Variants in NDUFB2 observed in about 807,000 individuals in gnomAD.
NDUFB2 encodes NADH dehydrogenase [ubiquinone] 1 beta subcomplex subunit 2, mitochondrial.
NDUFB2 carries 13 observed loss-of-function variants against 13.4 expected under a neutral mutation model. The observed-to-expected ratio is 0.97, with a 90% CI of 0.63 to 1.54. The LOEUF (loss-of-function observed/expected upper bound fraction) is 1.54, where lower values mean the gene tolerates loss of function less well. Among genes scored for constraint, NDUFB2 ranks in the 40% most tolerant of loss-of-function variants. The pLI, the probability that NDUFB2 is intolerant of heterozygous loss-of-function variation, is 0.00. For synonymous variants in NDUFB2, 47 were observed against 50.6 expected (o/e 0.93, Z 0.30); for missense variants, 150 against 139.7 (o/e 1.07, Z -0.37).
chr7:140,706,060 T>TATGTTATGTTATG (rs1402496959), intron 3 of NDUFB2: 226 of 125,112 alleles, frequency 1.8e-3, no homozygotes, highest in African/African-American at 5.0e-3. Flanking sequence ...TATGTTATGT[T>TATGTTATGTTATG]TTATGTTATG....
At chr7:140,701,133 A>C (rs994694860) in intron 1 of NDUFB2, 1 of 152,232 alleles carries the variant, frequency 6.6e-6, no homozygotes, top group African/African-American at 2.4e-5. Flanking sequence ...TCATTTCAAT[A>C]TGGTAACATT....
intron 2 of NDUFB2, 44 bp downstream of exon 2, chr7:140,703,054 G>C: frequency 1.2e-6 from 2 of 1,605,862 alleles, no homozygotes; most frequent in East Asian, 2.2e-5. Flanking sequence ...GGGTGGGGGA[G>C]GGAGGATGTA....
At chr7:140,702,810 T>C (rs1563215365) in intron 1 of NDUFB2, 56 bp from the exon 2 acceptor site, 1 of 1,598,972 alleles carries the variant, frequency 6.3e-7, no homozygotes. Context: ...GAGTTTTGGA[T>C]GACTTAACGC....
At chr7:140,697,888 G>A (rs1480300945) in intron 1 of NDUFB2, among the ~76,000 whole-genome samples, 2 of 152,210 alleles carry the variant, frequency 1.3e-5, no homozygotes, top group African/African-American at 4.8e-5. Flanking sequence ...AGGCTGGAGT[G>A]CAGTGGCGCG....
intron 1 of NDUFB2, among the ~76,000 whole-genome samples, chr7:140,698,995 TA>T (rs1794859061): frequency 6.6e-6 from 1 of 152,088 alleles, no homozygotes. Context: ...CCATCTCTAC[TA>T]AAAACACAAA....
intron 1 of NDUFB2, among the ~76,000 whole-genome samples, chr7:140,700,374 C>T (rs113327962): frequency 0.1 from 15,465 of 151,200 alleles, 849 homozygotes; most frequent in South Asian, 0.19. Context: ...CCGCCTGCCT[C>T]GGCCTCCCAA....
chr7:140,696,756 G>T lies in NDUFB2; in HGVS notation c.12G>T (p.Leu4=), dbSNP rs150245593. The T allele has an allele frequency of 6.4e-5, 102 of 1,598,128 alleles. No individual in the cohort carries two copies. Among genetic ancestry groups the T allele is most frequent in the Non-Finnish European group, 8.5e-5 (100 of 1,173,514 alleles). Residue 4 remains leucine, a synonymous_variant, in exon 1 of 4, where the codon CTG becomes CTT. Transcript: ENST00000247866. The part of the protein sequence containing the change: MSA[L]TRLASFARVG... ...GGACGGGAGCGAGTATGTCCGCTCT[G>T]ACTCGGCTGGCGTCTTTCGCTCGCG...
chr7:140,696,854 G>A lies in NDUFB2; in HGVS notation c.98+12G>A. The A allele has an allele frequency of 1.3e-6, 2 of 1,594,854 alleles. No homozygotes were observed. Among genetic ancestry groups the A allele is most frequent in the Non-Finnish European group, 1.7e-6 (2 of 1,170,894 alleles). On this transcript the variant is annotated intron_variant, in intron 1 of 3. Coordinates refer to ENST00000247866, the MANE Select transcript of NDUFB2 (RefSeq NM_004546.3). ...GGTGGAGTCCGTCAGTGAGTGTGGG[G>A]CTGGGGATGGGGGCCTCGCCGGCCT...
At chr7:140,704,102 C>A (rs531170743) in intron 2 of NDUFB2, among the ~76,000 whole-genome samples, 1 of 152,260 alleles carries the variant, frequency 6.6e-6, no homozygotes, top group Admixed American at 6.5e-5. Context: ...TGAGGTTTTA[C>A]CACATTTGCA....
intron 1 of NDUFB2, 112 bp from the exon 2 acceptor site, chr7:140,702,754 G>T: frequency 8.2e-7 from 1 of 1,215,280 alleles, no homozygotes. Context: ...CTATATTTCA[G>T]TGGAGATGAG....
intron 1 of NDUFB2, among the ~76,000 whole-genome samples, chr7:140,697,856 A>T (rs1399918551): frequency 6.6e-6 from 1 of 152,014 alleles, no homozygotes; most frequent in Non-Finnish European, 1.5e-5. Flanking sequence ...GTTTTAGGAG[A>T]TGGGGTCTAA....
At chr7:140,705,370 G>T (rs1356267092) in intron 3 of NDUFB2, 1 of 153,334 alleles carries the variant, frequency 6.5e-6, no homozygotes, top group African/African-American at 2.4e-5. Flanking sequence ...AAAGTGCTAG[G>T]ATTACAGGTG....
Position 140,696,755 on chromosome 7 carries a change from T to C in NDUFB2, c.11T>C (p.Leu4Pro). 5 of 1,598,598 alleles carry C rather than the reference T, an allele frequency of 3.1e-6. No individual in the cohort carries two copies. Among genetic ancestry groups the C allele is most frequent in the Non-Finnish European group, 4.3e-6 (5 of 1,173,444 alleles). MSA[L>P]TRLASFARVG... Reference sequence around the variant, plus strand: ...CGGACGGGAGCGAGTATGTCCGCTCTGACTCGGCTGGCGTCTTTCGCTCGC... The same window carrying C: ...CGGACGGGAGCGAGTATGTCCGCTCCGACTCGGCTGGCGTCTTTCGCTCGC... Residue 4 changes from leucine (L) to proline (P), a missense_variant, in exon 1 of 4, where the codon CTG (leucine) becomes CCG (proline). Coordinates refer to ENST00000247866, the MANE Select transcript of NDUFB2 (RefSeq NM_004546.3).
At chr7:140,703,957 G>A (rs1024266141) in intron 2 of NDUFB2, among the ~76,000 whole-genome samples, 3 of 151,870 alleles carry the variant, frequency 2.0e-5, no homozygotes, top group South Asian at 2.1e-4. Flanking sequence ...GGGTTTCACC[G>A]TGTTAGCCAG....
intron 1 of NDUFB2, chr7:140,701,769 C>T: frequency 3.7e-6 from 1 of 273,532 alleles, no homozygotes; most frequent in Non-Finnish European, 6.7e-6. Flanking sequence ...CCCGTCTCTA[C>T]TAAAAAAAAA....
chr7:140,697,373 C>T, intron 1 of NDUFB2: 1 of 702,848 alleles, frequency 1.4e-6, no homozygotes, highest in Non-Finnish European at 2.6e-6. Context: ...AGGCTGTCGC[C>T]CAGAGAGAGC....
intron 1 of NDUFB2, chr7:140,697,297 C>T (rs181864782): frequency 1.4e-6 from 1 of 702,788 alleles, no homozygotes; most frequent in African/African-American, 1.7e-5. Flanking sequence ...GTTCGGCAGC[C>T]TTTAATCGGA....
At chr7:140,697,209 G>T (rs934766220) in intron 1 of NDUFB2, 5 of 649,882 alleles carry the variant, frequency 7.7e-6, no homozygotes, top group Admixed American at 6.9e-5. Context: ...GAGCGAGGCG[G>T]GGGGCGGCGG....
rs568234158 is a variant in NDUFB2, at chr7:140,697,861, G to T, written c.98+1019G>T. 5.6e-4 allele frequency among the ~76,000 whole-genome samples: 85 copies of T among 152,264 alleles called. 2 individuals carry two copies. The South Asian group carries it at 0.017, about 30-fold the overall frequency. Reference sequence around the variant, plus strand: ...GTGTTTGTGTGTTTTAGGAGATGGGGTCTAACTCTGTCAGGCAGGCTGGAG... The same window carrying T: ...GTGTTTGTGTGTTTTAGGAGATGGGTTCTAACTCTGTCAGGCAGGCTGGAG... On this transcript the variant is annotated intron_variant, in intron 1 of 3. Coordinates refer to ENST00000247866, the MANE Select transcript of NDUFB2 (RefSeq NM_004546.3).
Sources: allele counts gnomAD v4.1 joint callset (sites outside exome capture counted in the v4.1 genomes callset), GRCh38; gene constraint gnomAD v4.1.1; transcripts MANE v1.5; gene names NCBI Gene and HGNC (gene_info 2026-07-23, HGNC 2026-07-21).